Variants in PTPRR observed in about 807,000 individuals in gnomAD.
PTPRR encodes the protein protein tyrosine phosphatase receptor type R.
Under a neutral mutation model 77.2 loss-of-function variants are expected in PTPRR, and 38 were observed. The ratio of observed to expected loss-of-function variants is 0.49; its 90% CI spans 0.38 to 0.65. The LOEUF (loss-of-function observed/expected upper bound fraction) is 0.65, where lower values mean the gene tolerates loss of function less well. Among genes scored for constraint, PTPRR ranks in the 30% least tolerant of loss-of-function variants. PTPRR has a pLI of 0.00. For missense variants in PTPRR, 744 were observed against 799.2 expected (o/e 0.93, Z 0.83); for synonymous variants, 299 against 283.1 (o/e 1.06, Z -0.57).
Position 70,745,950 on chromosome 12 carries a change from G to T in PTPRR, c.875C>A (p.Pro292His). 6.2e-7 allele frequency: 1 copy of T among 1,614,106 alleles called. No individual in the cohort carries two copies. Among genetic ancestry groups the T allele is most frequent in the Non-Finnish European group, 8.5e-7 (1 of 1,180,010 alleles). ...EAKTVHSMVQ[P>H]EQAPKVLNVV... Reference sequence around the variant, plus strand: ...ATTCAGTACCTTTGGGGCCTGCTCAGGTTGGACCATGCTGTGGACTGTCTT... The same window carrying T: ...ATTCAGTACCTTTGGGGCCTGCTCATGTTGGACCATGCTGTGGACTGTCTT... The change falls in exon 6 of 14, where the codon CCT (proline) becomes CAT (histidine). Residue 292 changes from proline to histidine, a missense_variant. Pro to His is a moderately conservative substitution (Grantham distance 77). Transcript: ENST00000283228.
At position 70,807,385 on chromosome 12, in the gene PTPRR, G is replaced by A. The variant is rs150859043; in HGVS notation, c.358-42607C>T. Among the ~76,000 whole-genome samples, 348 of 152,236 alleles carry A rather than the reference G, an allele frequency of 2.3e-3. 2 individuals are homozygous for A. Among genetic ancestry groups the A allele is most frequent in the Middle Eastern group, 0.01 (3 of 292 alleles). On this transcript the variant is annotated intron_variant, in intron 2 of 13. Transcript: ENST00000283228. ...CTACTTGCCCACCTTTTAAAAAAAT[G>A]CATTATTAAGAACTATAGTCATCAT...
At position 70,849,499 on chromosome 12, in the gene PTPRR, A is replaced by C. The variant is rs1892539062; in HGVS notation, c.357+43180T>G. Among the ~76,000 whole-genome samples, 3 of 152,214 alleles carry C rather than the reference A, an allele frequency of 2.0e-5. No homozygotes were observed. The South Asian group carries it at 6.2e-4, about 31-fold the overall frequency. ...ACTCAACTACCAGTTTCTTTCATTAACATAGCATGGCACTTCTTTCTGTAG... is the reference window on the plus strand; with the variant it reads ...ACTCAACTACCAGTTTCTTTCATTACCATAGCATGGCACTTCTTTCTGTAG... On this transcript the variant is annotated intron_variant, in intron 2 of 13. Coordinates refer to ENST00000283228, the MANE Select transcript of PTPRR (RefSeq NM_002849.4).
chr12:70,706,802 C>T (rs375473619), intron 6 of PTPRR, among the ~76,000 whole-genome samples: 99 of 152,106 alleles, frequency 6.5e-4, no homozygotes, highest in African/African-American at 2.3e-3. Context: ...TTCTGCATTT[C>T]GCTTAAGCAA....
intron 6 of PTPRR, among the ~76,000 whole-genome samples, chr12:70,745,598 G>T (rs1890187813): frequency 6.6e-6 from 1 of 152,076 alleles, no homozygotes; most frequent in African/African-American, 2.4e-5. Context: ...ATACCATCTT[G>T]AATCTAGACA....
intron 12 of PTPRR, among the ~76,000 whole-genome samples, chr12:70,659,162 C>G (rs1340428762): frequency 6.6e-6 from 1 of 152,006 alleles, no homozygotes; most frequent in Non-Finnish European, 1.5e-5. Context: ...CTCGGCCTCC[C>G]AAAGTGCTAG....
chr12:70,875,904 A>T (rs1196136118), intron 2 of PTPRR, among the ~76,000 whole-genome samples: 1 of 152,176 alleles, frequency 6.6e-6, no homozygotes, highest in Non-Finnish European at 1.5e-5. Flanking sequence ...ACTGATACAC[A>T]TGAAAGATGT....
intron 1 of PTPRR, among the ~76,000 whole-genome samples, chr12:70,904,055 T>C (rs1407344664): frequency 1.3e-5 from 2 of 151,854 alleles, no homozygotes; most frequent in Non-Finnish European, 2.9e-5. Flanking sequence ...AAATGAAATG[T>C]ACTAATAATA....
chr12:70,783,900 G>A (rs1891262289), intron 2 of PTPRR, among the ~76,000 whole-genome samples: 1 of 147,770 alleles, frequency 6.8e-6, no homozygotes, highest in African/African-American at 2.6e-5. Flanking sequence ...TGGCACGTCA[G>A]CACTGCCCTG....
intron 12 of PTPRR, among the ~76,000 whole-genome samples, chr12:70,658,720 C>T (rs200697069): frequency 6.7e-6 from 1 of 149,892 alleles, no homozygotes; most frequent in African/African-American, 2.5e-5. Context: ...TGAAATACAT[C>T]CTTTTTTTTT....
chr12:70,920,278 T>C, intron 1 of PTPRR, 55 bp downstream of exon 1: 1 of 1,552,920 alleles, frequency 6.4e-7, no homozygotes, highest in Non-Finnish European at 8.9e-7. Flanking sequence ...TCCTTAAGCA[T>C]GTGCAGTTTC....
At chr12:70,699,043 T>C (rs1888331505) in intron 7 of PTPRR, among the ~76,000 whole-genome samples, 1 of 152,128 alleles carries the variant, frequency 6.6e-6, no homozygotes, top group Non-Finnish European at 1.5e-5. Context: ...TGGCTGTATG[T>C]AAGTGCATTA....
intron 2 of PTPRR, among the ~76,000 whole-genome samples, chr12:70,765,722 T>C (rs1457869510): frequency 6.6e-6 from 1 of 152,184 alleles, no homozygotes; most frequent in East Asian, 1.9e-4. Context: ...AGTGGGTCCC[T>C]GACCCCTGAC....
intron 8 of PTPRR, among the ~76,000 whole-genome samples, chr12:70,690,454 T>G (rs184266947): frequency 1.4e-4 from 22 of 152,314 alleles, no homozygotes; most frequent in Admixed American, 1.2e-3. Flanking sequence ...TATCACGATC[T>G]ATAAAAAATA....
rs760350679 is a variant in PTPRR, at chr12:70,684,743, G to A, written c.1320C>T (p.Thr440=). 1.1e-5 allele frequency: 17 copies of A among 1,607,414 alleles called. No individual in the cohort carries two copies. The highest frequency in any genetic ancestry group is 1.3e-5 in the Non-Finnish European group (15 of 1,175,558). The change falls in exon 9 of 14, where the codon ACC becomes ACT. Residue 440 remains threonine (T), a synonymous_variant. Coordinates refer to ENST00000283228, the MANE Select transcript of PTPRR (RefSeq NM_002849.4). The part of the protein sequence containing the change: ...SRVCLRPKNV[T]DSLSTYINAN... ...CATTAATGTAGGTGCTCAATGAATC[G>A]GTTACATTTTTTGGTCTTAAACACA...
At chr12:70,870,603 G>A (rs939439900) in intron 2 of PTPRR, among the ~76,000 whole-genome samples, 2 of 152,196 alleles carry the variant, frequency 1.3e-5, no homozygotes, top group Admixed American at 6.5e-5. Context: ...TAAAACGTTA[G>A]ACTTACAATA....
chr12:70,804,214 T>C (rs1280592850), intron 2 of PTPRR, among the ~76,000 whole-genome samples: 3 of 150,266 alleles, frequency 2.0e-5, no homozygotes, highest in Non-Finnish European at 4.4e-5. Context: ...TTATTTCTTG[T>C]ATGCTTGTTA....
At chr12:70,893,910 G>T (rs913297984) in intron 1 of PTPRR, among the ~76,000 whole-genome samples, 1 of 151,782 alleles carries the variant, frequency 6.6e-6, no homozygotes, top group Non-Finnish European at 1.5e-5. Flanking sequence ...AATTTATTTA[G>T]TAACAAATAC....
rs149305948 is a variant in PTPRR, at chr12:70,736,344, G to A, written c.1007+9474C>T. Among the ~76,000 whole-genome samples, 145 of 152,222 alleles carry A rather than the reference G, an allele frequency of 9.5e-4. 1 individual carries two copies. Among genetic ancestry groups the A allele is most frequent in the African/African-American group, 3.4e-3 (141 of 41,534 alleles). On this transcript the variant is annotated intron_variant, in intron 6 of 13. Transcript: ENST00000283228. ...TTGCTAAGAGGAAAAACAGTGTGAC[G>A]CTCCATAATATACCTACTTGCTAAA...
At chr12:70,672,978 T>C (rs1484811902) in intron 10 of PTPRR, 1 of 1,390,582 alleles carries the variant, frequency 7.2e-7, no homozygotes, top group Non-Finnish European at 9.4e-7. Context: ...CCTCCTCTTC[T>C]AGGTAGAAGG....
Sources: gnomAD v4.1 joint callset for allele counts (sites outside exome capture counted in the v4.1 genomes callset) on GRCh38, gnomAD v4.1.1 for gene constraint, MANE v1.5 for transcripts, NCBI Gene and HGNC (gene_info 2026-07-23, HGNC 2026-07-21) for gene names.